The following ADGRB3 variants were observed in gnomAD, a reference collection of about 807,000 sequenced individuals.
The protein encoded by ADGRB3 is brain-specific angiogenesis inhibitor 3.
In ADGRB3, 37 loss-of-function variants were observed where a neutral mutation model predicts 193.4. The ratio of observed to expected loss-of-function variants is 0.19; its 90% CI spans 0.15 to 0.25. The LOEUF (loss-of-function observed/expected upper bound fraction) is 0.25, where lower values mean the gene tolerates loss of function less well. ADGRB3 is among the 10% of genes least tolerant of loss of function. ADGRB3 has a pLI of 1.00. For synonymous variants in ADGRB3, 690 were observed against 644.2 expected (o/e 1.07, Z -1.08); for missense variants, 1,637 against 1,852.9 (o/e 0.88, Z 2.14).
At chr6:69,164,958 G>A (rs1387894582) in intron 17 of ADGRB3, among the ~76,000 whole-genome samples, 1 of 152,114 alleles carries the variant, frequency 6.6e-6, no homozygotes, top group East Asian at 1.9e-4. Context: ...CAAATGGAGA[G>A]TAGACATTAT....
intron 3 of ADGRB3, among the ~76,000 whole-genome samples, chr6:68,716,027 A>G (rs1295368652): frequency 6.6e-6 from 1 of 151,754 alleles, no homozygotes; most frequent in African/African-American, 2.4e-5. Flanking sequence ...ACATTGTCTT[A>G]TCAAGACTGG....
At chr6:68,794,832 T>TGGTC (rs1767175956) in intron 3 of ADGRB3, among the ~76,000 whole-genome samples, 1 of 152,118 alleles carries the variant, frequency 6.6e-6, no homozygotes, top group Non-Finnish European at 1.5e-5. Flanking sequence ...TGTATATGAC[T>TGGTC]ATTTACTGTG....
At chr6:69,329,371 A>C (rs937799746) in intron 22 of ADGRB3, among the ~76,000 whole-genome samples, 1 of 152,216 alleles carries the variant, frequency 6.6e-6, no homozygotes, top group Non-Finnish European at 1.5e-5. Context: ...TTGAATATAC[A>C]TACACATATT....
chr6:69,006,380 G>GA (rs905280906), intron 11 of ADGRB3, among the ~76,000 whole-genome samples: 31 of 151,476 alleles, frequency 2.0e-4, no homozygotes, highest in East Asian at 1.2e-3. Flanking sequence ...GTTTTTAATG[G>GA]AAAAAAAACC....
chr6:69,249,179 T>C (rs1166856664), intron 20 of ADGRB3, among the ~76,000 whole-genome samples: 1 of 152,138 alleles, frequency 6.6e-6, no homozygotes, highest in Admixed American at 6.5e-5. Flanking sequence ...AGTTTCACCA[T>C]GTTGGTCAGG....
At chr6:69,007,693 TCACA>T (rs764934080) in intron 11 of ADGRB3, among the ~76,000 whole-genome samples, 18,274 of 89,462 alleles carry the variant, frequency 0.2, 1,240 homozygotes, top group Middle Eastern at 0.32. Context: ...TCTCTCTCTC[TCACA>T]CACACACACA....
chr6:69,384,910 G>A (rs951817566), intron 31 of ADGRB3, among the ~76,000 whole-genome samples: 1 of 151,548 alleles, frequency 6.6e-6, no homozygotes, highest in Non-Finnish European at 1.5e-5. Context: ...ATAATTGGGT[G>A]GAGACAGACT....
intron 3 of ADGRB3, among the ~76,000 whole-genome samples, chr6:68,914,611 G>A (rs372364229): frequency 6.6e-6 from 1 of 152,120 alleles, no homozygotes; most frequent in Non-Finnish European, 1.5e-5. Context: ...AAAGACCATC[G>A]AGGCTAGGAA....
chr6:68,900,633 A>G (rs1428916143), intron 3 of ADGRB3, among the ~76,000 whole-genome samples: 1 of 152,092 alleles, frequency 6.6e-6, no homozygotes, highest in Non-Finnish European at 1.5e-5. Context: ...TGAACAAAGT[A>G]CCATGGTGAC....
At chr6:68,840,951 T>C (rs973243336) in intron 3 of ADGRB3, among the ~76,000 whole-genome samples, 4 of 152,160 alleles carry the variant, frequency 2.6e-5, no homozygotes, top group Admixed American at 2.6e-4. Context: ...GCAGTAGCTA[T>C]ACTTACATCA....
At chr6:69,354,875 T>C (rs190752630) in intron 27 of ADGRB3, among the ~76,000 whole-genome samples, 2 of 152,330 alleles carry the variant, frequency 1.3e-5, no homozygotes, top group Non-Finnish European at 2.9e-5. Flanking sequence ...TGGTTATTAT[T>C]GGAATCAAAG....
chr6:68,670,846 A>G (rs1218466044), intron 3 of ADGRB3, among the ~76,000 whole-genome samples: 1 of 151,824 alleles, frequency 6.6e-6, no homozygotes, highest in African/African-American at 2.4e-5. Flanking sequence ...GATTGCTTTG[A>G]GTAGTATGGA....
At chr6:68,936,803 A>G (rs1767496926) in intron 5 of ADGRB3, 123 bp downstream of exon 5, 2 of 1,051,420 alleles carry the variant, frequency 1.9e-6, no homozygotes, top group African/African-American at 1.6e-5. Flanking sequence ...GATAAGTGTA[A>G]TTATTATTCA....
chr6:68,742,357 T>G (rs1056599520), intron 3 of ADGRB3, among the ~76,000 whole-genome samples: 4 of 152,168 alleles, frequency 2.6e-5, no homozygotes, highest in African/African-American at 9.7e-5. Flanking sequence ...ATACACATTT[T>G]AAAGGAACTC....
intron 3 of ADGRB3, among the ~76,000 whole-genome samples, chr6:68,844,636 A>T (rs749106051): frequency 1.3e-5 from 2 of 152,166 alleles, no homozygotes; most frequent in Non-Finnish European, 2.9e-5. Flanking sequence ...ACCCAAAAGT[A>T]ATCAGGATAT....
chr6:68,897,538 G>GGGA (rs1766261289), intron 3 of ADGRB3, among the ~76,000 whole-genome samples: 1 of 15,156 alleles, frequency 6.6e-5, no homozygotes, highest in Non-Finnish European at 1.5e-4. Context: ...AGAGGAAAGA[G>GGGA]GGAAGGAAGG....
chr6:69,013,581 C>T (rs1276800051), intron 11 of ADGRB3, among the ~76,000 whole-genome samples: 1 of 152,056 alleles, frequency 6.6e-6, no homozygotes, highest in East Asian at 1.9e-4. Flanking sequence ...ACTGAGGGAG[C>T]CTGTCTTGCC....
chr6:68,948,276 A>T (rs2150253174), intron 6 of ADGRB3, among the ~76,000 whole-genome samples: 1 of 152,264 alleles, frequency 6.6e-6, no homozygotes, highest in South Asian at 2.1e-4. Flanking sequence ...AACTAGAGAT[A>T]ACAGTTTTTC....
chr6:68,946,303 T>G lies in ADGRB3; in HGVS notation c.1195+2309T>G, dbSNP rs182431580. ...ATTCTCTTTAGAACTCATCATCTTA[T>G]AGCTGAACTCAGGCACCTTCACTGG... On this transcript the variant is annotated intron_variant, in intron 6 of 31. Coordinates refer to ENST00000370598, the MANE Select transcript of ADGRB3 (RefSeq NM_001704.3). Among the ~76,000 whole-genome samples, 211 of 152,250 alleles carry G rather than the reference T, an allele frequency of 1.4e-3. 1 individual carries two copies. Among genetic ancestry groups the G allele is most frequent in the African/African-American group, 5.0e-3 (208 of 41,572 alleles).
Sources: gnomAD v4.1 joint callset for allele counts (sites outside exome capture counted in the v4.1 genomes callset) on GRCh38, gnomAD v4.1.1 for gene constraint, MANE v1.5 for transcripts, NCBI Gene and HGNC (gene_info 2026-07-23, HGNC 2026-07-21) for gene names.